SYT9: variants seen among roughly 807,000 people sequenced by gnomAD.
SYT9 encodes synaptotagmin 9.
Under a neutral mutation model 48.4 loss-of-function variants are expected in SYT9, and 22 were observed. The observed-to-expected ratio is 0.45, with a 90% CI of 0.32 to 0.65. The LOEUF is 0.65. Among genes scored for constraint, SYT9 ranks in the 30% least tolerant of loss-of-function variants. SYT9 has a pLI of 0.03. For synonymous variants in SYT9, 265 were observed against 245.0 expected, an observed-to-expected ratio of 1.08 and a Z score of -0.76; for missense variants, 577 against 622.0, an observed-to-expected ratio of 0.93 and a Z score of 0.77.
In SYT9 at chr11:7,246,036, C is replaced by T. The variant is rs149087124; in HGVS notation, c.49+7120C>T. On this transcript the variant is annotated intron_variant and NMD_transcript_variant, in intron 1 of 8. Coordinates refer to the SYT9 transcript ENST00000524820. Reference sequence around the variant, plus strand: ...TGAAGTCGCTCCTATCTTCAAACAGCTTTTCTTCTATGCACTTTTTTTTTT... The same window carrying T: ...TGAAGTCGCTCCTATCTTCAAACAGTTTTTCTTCTATGCACTTTTTTTTTT... Among the ~76,000 whole-genome samples the T allele has an allele frequency of 8.9e-3, 1,357 of 152,204 alleles. 23 individuals are homozygous for T. The highest frequency in any genetic ancestry group is 0.031 in the African/African-American group (1,270 of 41,524).
At chr11:7,358,939 C>T (rs551713327) in intron 3 of SYT9, among the ~76,000 whole-genome samples, 4 of 152,020 alleles carry the variant, frequency 2.6e-5, no homozygotes, top group Admixed American at 6.5e-5. Context: ...TATGCTGGTG[C>T]GCTGCACCCA....
intron 6 of SYT9, among the ~76,000 whole-genome samples, chr11:7,462,498 T>A (rs1217277149): frequency 6.6e-6 from 1 of 152,170 alleles, no homozygotes; most frequent in African/African-American, 2.4e-5. Flanking sequence ...AAAAATAGAA[T>A]GTCCTCTTTA....
chr11:7,331,166 A>G (rs974537212), intron 3 of SYT9, among the ~76,000 whole-genome samples: 1 of 119,752 alleles, frequency 8.4e-6, no homozygotes, highest in African/African-American at 3.0e-5. Flanking sequence ...GTAAATTTGT[A>G]GATTTGGAGA....
chr11:7,391,214 G>A (rs901235414), intron 3 of SYT9, among the ~76,000 whole-genome samples: 1 of 152,104 alleles, frequency 6.6e-6, no homozygotes, highest in African/African-American at 2.4e-5. Context: ...ACCACTGATG[G>A]GCACCTAGGT....
intron 3 of SYT9, among the ~76,000 whole-genome samples, chr11:7,334,657 T>TCCCCGCCACCCATC (rs1411852271): frequency 6.9e-6 from 1 of 144,446 alleles, no homozygotes; most frequent in African/African-American, 2.5e-5. Context: ...ATCCCCCCAA[T>TCCCCGCCACCCATC]CCCCAGGCAG....
intron 3 of SYT9, among the ~76,000 whole-genome samples, chr11:7,343,173 G>A (rs1347815171): frequency 1.3e-5 from 2 of 152,162 alleles, no homozygotes; most frequent in Admixed American, 6.5e-5. Flanking sequence ...CCATTCTTTT[G>A]GTGATTAACA....
At chr11:7,351,136 A>G (rs1209866192) in intron 3 of SYT9, among the ~76,000 whole-genome samples, 1 of 152,214 alleles carries the variant, frequency 6.6e-6, no homozygotes, top group Non-Finnish European at 1.5e-5. Context: ...ACCTCCTTGA[A>G]AAAGATGAAG....
At chr11:7,420,920 C>T (rs1229274090) in intron 6 of SYT9, among the ~76,000 whole-genome samples, 2 of 152,072 alleles carry the variant, frequency 1.3e-5, no homozygotes, top group Non-Finnish European at 1.5e-5. Context: ...TGGGTTGGTA[C>T]TTGGAGGGCA....
At chr11:7,355,339 C>T (rs1381832637) in intron 3 of SYT9, among the ~76,000 whole-genome samples, 1 of 152,212 alleles carries the variant, frequency 6.6e-6, no homozygotes, top group Non-Finnish European at 1.5e-5. Context: ...CTTACCTTCT[C>T]ACCTGGTGGG....
intron 3 of SYT9, among the ~76,000 whole-genome samples, chr11:7,362,176 C>T (rs1235244561): frequency 2.7e-5 from 4 of 146,352 alleles, no homozygotes; most frequent in African/African-American, 1.0e-4. Context: ...ATGGAGTCTC[C>T]CTCTGTCACC....
chr11:7,364,562 C>T (rs1850205864), intron 3 of SYT9, among the ~76,000 whole-genome samples: 1 of 152,064 alleles, frequency 6.6e-6, no homozygotes. Flanking sequence ...TGGGACTGAA[C>T]CCCAGATTTG....
intron 1 of SYT9, among the ~76,000 whole-genome samples, chr11:7,301,524 A>G (rs776148812): frequency 1.3e-5 from 2 of 152,244 alleles, no homozygotes; most frequent in Non-Finnish European, 2.9e-5. Flanking sequence ...AGTGCTGTGC[A>G]TAGTTGAAAT....
intron 3 of SYT9, among the ~76,000 whole-genome samples, chr11:7,344,787 A>G (rs1045753723): frequency 1.3e-5 from 2 of 152,148 alleles, no homozygotes; most frequent in African/African-American, 2.4e-5. Context: ...TTACTCCAAT[A>G]TCACAGTGTC....
chr11:7,272,455 A>T (rs997351643), intron 1 of SYT9, among the ~76,000 whole-genome samples: 1 of 150,226 alleles, frequency 6.7e-6, no homozygotes, highest in African/African-American at 2.5e-5. Flanking sequence ...CTCTTACTTC[A>T]TTTTATCCTC....
intron 1 of SYT9, among the ~76,000 whole-genome samples, chr11:7,268,930 A>G (rs976494552): frequency 5.3e-5 from 8 of 152,060 alleles, no homozygotes; most frequent in African/African-American, 1.4e-4. Flanking sequence ...TTCTGTCTCT[A>G]TTAATGTGTC....
At chr11:7,395,839 G>A (rs1277245478) in intron 3 of SYT9, among the ~76,000 whole-genome samples, 3 of 151,908 alleles carry the variant, frequency 2.0e-5, no homozygotes, top group Non-Finnish European at 2.9e-5. Context: ...TTACATTCAT[G>A]GTTAATATTG....
rs76496782 is a variant in SYT9, at chr11:7,411,657, C to A, written c.1045-4385C>A. On this transcript the variant is annotated intron_variant, in intron 3 of 6. Coordinates refer to ENST00000318881, the MANE Select transcript of SYT9 (RefSeq NM_175733.4). ...GCTGTTGTTGGAATCCCCTCTTTAT[C>A]TTTGACTTTAAGTAGTTTGACTATA... Among the ~76,000 whole-genome samples, 568 of 152,246 alleles carry A rather than the reference C, an allele frequency of 3.7e-3. 1 individual carries two copies. The highest frequency in any genetic ancestry group is 0.01 in the Middle Eastern group (3 of 294).
intron 3 of SYT9, among the ~76,000 whole-genome samples, chr11:7,405,034 G>A (rs965917080): frequency 6.7e-6 from 1 of 149,304 alleles, no homozygotes; most frequent in African/African-American, 2.5e-5. Flanking sequence ...TTCCCCTTGT[G>A]CTTTCCAGGG....
intron 3 of SYT9, among the ~76,000 whole-genome samples, chr11:7,382,219 GC>G (rs1339033397): frequency 6.6e-6 from 1 of 152,198 alleles, no homozygotes; most frequent in Non-Finnish European, 1.5e-5. Context: ...TTCTCCTTTT[GC>G]CTTCATTGTT....
Sources: gnomAD v4.1 joint callset for allele counts (sites outside exome capture counted in the v4.1 genomes callset) on GRCh38, gnomAD v4.1.1 for gene constraint, MANE v1.5 for transcripts, NCBI Gene and HGNC (gene_info 2026-07-23, HGNC 2026-07-21) for gene names.